Variants in CTNNA2 observed in about 807,000 individuals in gnomAD.
CTNNA2 encodes the protein catenin alpha 2.
A neutral mutation model predicts 101.0 loss-of-function variants in CTNNA2; 42 were observed. The observed-to-expected ratio is 0.42, with a 90% CI of 0.32 to 0.54. The LOEUF is 0.54. Ranked by LOEUF, CTNNA2 falls within the 20% of genes least tolerant of loss-of-function variation. CTNNA2 has a pLI of 0.14. For missense variants in CTNNA2, 871 were observed against 1,223.1 expected (o/e 0.71, Z 4.29); for synonymous variants, 450 against 456.4 (o/e 0.99, Z 0.18).
chr2:79,286,894 A>G (rs939687069), intron 2 of CTNNA2, among the ~76,000 whole-genome samples: 6 of 152,294 alleles, frequency 3.9e-5, no homozygotes, highest in African/African-American at 1.2e-4. Context: ...AGGTACACCA[A>G]TCAGACATAG....
intron 9 of CTNNA2, among the ~76,000 whole-genome samples, chr2:80,502,369 A>G (rs1687942476): frequency 6.6e-6 from 1 of 152,196 alleles, no homozygotes; most frequent in Non-Finnish European, 1.5e-5. Context: ...GTGGAAACAG[A>G]AAGTCCTTTT....
chr2:80,027,850 G>GT (rs1695032011), intron 7 of CTNNA2, among the ~76,000 whole-genome samples: 1 of 151,674 alleles, frequency 6.6e-6, no homozygotes, highest in Non-Finnish European at 1.5e-5. Flanking sequence ...ACATGCACCA[G>GT]TAGTCCCAGC....
At chr2:80,341,924 C>T (rs1234666597) in intron 7 of CTNNA2, among the ~76,000 whole-genome samples, 1 of 152,068 alleles carries the variant, frequency 6.6e-6, no homozygotes, top group African/African-American at 2.4e-5. Flanking sequence ...GAATATAATT[C>T]AGCAATAAAA....
chr2:80,017,448 GTA>G (rs1245756441), intron 7 of CTNNA2, among the ~76,000 whole-genome samples: 3 of 151,404 alleles, frequency 2.0e-5, no homozygotes, highest in African/African-American at 4.9e-5. Flanking sequence ...ATATACGTGT[GTA>G]TATATATGTA....
chr2:79,983,079 G>A (rs887883432), intron 7 of CTNNA2, among the ~76,000 whole-genome samples: 1 of 150,136 alleles, frequency 6.7e-6, no homozygotes, highest in Non-Finnish European at 1.5e-5. Flanking sequence ...ACACAACCCT[G>A]GAAAGCAACT....
At chr2:80,305,709 A>C (rs1467969766) in intron 7 of CTNNA2, among the ~76,000 whole-genome samples, 2 of 151,534 alleles carry the variant, frequency 1.3e-5, no homozygotes, top group South Asian at 2.1e-4. Context: ...CCACCTCCCC[A>C]CACACACACC....
At chr2:80,070,976 A>G (rs1298118270) in intron 7 of CTNNA2, among the ~76,000 whole-genome samples, 1 of 152,168 alleles carries the variant, frequency 6.6e-6, no homozygotes, top group Non-Finnish European at 1.5e-5. Flanking sequence ...GGCCCTACCA[A>G]ATAATGCAGA....
intron 7 of CTNNA2, among the ~76,000 whole-genome samples, chr2:80,151,599 G>T (rs1184085025): frequency 6.6e-6 from 1 of 152,128 alleles, no homozygotes; most frequent in Non-Finnish European, 1.5e-5. Context: ...ACTTGACTTG[G>T]CAGTACAAGA....
intron 7 of CTNNA2, among the ~76,000 whole-genome samples, chr2:80,235,893 A>G (rs897358186): frequency 1.3e-5 from 2 of 152,126 alleles, no homozygotes; most frequent in African/African-American, 2.4e-5. Flanking sequence ...TGTTATACAG[A>G]TTATTTCATC....
In CTNNA2 at chr2:80,431,238, T is replaced by G. The variant is rs578043149; in HGVS notation, c.1290+11637T>G. ...GTTTTAGAAGGAGGTGGAGTTCAAC[T>G]TCACAAAGCCTGCCCAAGGCTCAGT... On this transcript the variant is annotated intron_variant, in intron 9 of 18. Coordinates refer to ENST00000402739, the MANE Select transcript of CTNNA2 (RefSeq NM_001282597.3). Among the ~76,000 whole-genome samples the G allele has an allele frequency of 3.3e-5, 5 of 152,280 alleles. No homozygotes were observed. The South Asian group carries it at 8.3e-4, about 25-fold the overall frequency.
chr2:80,569,633 G>GTTTTTTTTTTGTTTTTTTTTTTTTT (rs1694378596), intron 12 of CTNNA2, among the ~76,000 whole-genome samples: 1 of 51,718 alleles, frequency 1.9e-5, no homozygotes, highest in Non-Finnish European at 3.9e-5. Flanking sequence ...GGGTATTTAG[G>GTTTTTTTTTTGTTTTTTTTTTTTTT]TTTTTTTTTT....
At chr2:79,280,339 G>C (rs1675330267) in intron 2 of CTNNA2, among the ~76,000 whole-genome samples, 1 of 152,068 alleles carries the variant, frequency 6.6e-6, no homozygotes, top group Non-Finnish European at 1.5e-5. Flanking sequence ...GATGGAGTTT[G>C]GGAAGCTTCT....
intron 2 of CTNNA2, among the ~76,000 whole-genome samples, chr2:79,269,060 C>A (rs1038945288): frequency 6.6e-6 from 1 of 152,022 alleles, no homozygotes; most frequent in South Asian, 2.1e-4. Context: ...AAGGCTCTAT[C>A]TATGCGGTAT....
At chr2:79,508,983 ATATATATATATATATAT>A (rs1558686450), upstream of CTNNA2, among the ~76,000 whole-genome samples, 1 of 41,732 alleles carries the variant, frequency 2.4e-5, no homozygotes, top group Non-Finnish European at 4.9e-5. Context: ...ATATATATAT[ATATATATATATATATAT>A]ATATATATAT....
At chr2:79,674,563 G>A (rs1008668519) in intron 2 of CTNNA2, among the ~76,000 whole-genome samples, 5 of 152,124 alleles carry the variant, frequency 3.3e-5, no homozygotes, top group African/African-American at 9.6e-5. Flanking sequence ...TAGATAATAG[G>A]GAACTTAGTT....
chr2:79,444,461 C>G (rs1224412635), intron 4 of CTNNA2, among the ~76,000 whole-genome samples: 1 of 152,082 alleles, frequency 6.6e-6, no homozygotes, highest in East Asian at 1.9e-4. Flanking sequence ...TAATAGGCAG[C>G]AGACACAAGA....
At chr2:79,373,931 T>A (rs1174721916) in exon 4 of CTNNA2, 4 of 152,158 alleles carry the variant, frequency 2.6e-5, no homozygotes, top group Non-Finnish European at 5.9e-5. Context: ...TGGAAGCCTG[T>A]CCTTGGAGTC....
At chr2:79,432,814 G>GT (rs1173945588) in intron 4 of CTNNA2, among the ~76,000 whole-genome samples, 1 of 152,170 alleles carries the variant, frequency 6.6e-6, no homozygotes, top group East Asian at 1.9e-4. Flanking sequence ...TCACTCAAAG[G>GT]TTTTTTGTAC....
intron 7 of CTNNA2, among the ~76,000 whole-genome samples, chr2:80,065,009 G>A (rs947445022): frequency 2.6e-5 from 4 of 152,156 alleles, no homozygotes; most frequent in African/African-American, 9.6e-5. Context: ...ATATAAATTA[G>A]TGCAAATGCA....
Sources: allele counts gnomAD v4.1 joint callset (sites outside exome capture counted in the v4.1 genomes callset), GRCh38; gene constraint gnomAD v4.1.1; transcripts MANE v1.5; gene names NCBI Gene and HGNC (gene_info 2026-07-23, HGNC 2026-07-21).